The following EXOC4 variants were observed in gnomAD, a reference collection of about 807,000 sequenced individuals.
EXOC4 encodes SEC8-like 1.
A neutral mutation model predicts 107.2 loss-of-function variants in EXOC4; 71 were observed. The observed-to-expected ratio is 0.66, with a 90% confidence interval of 0.55 to 0.81. The LOEUF is 0.81. Ranked by LOEUF, EXOC4 falls within the 30% of genes least tolerant of loss-of-function variation. The pLI is 0.00. For missense variants in EXOC4, 1,108 were observed against 1,189.6 expected, an observed-to-expected ratio of 0.93 and a Z score of 1.01; for synonymous variants, 456 against 441.2, an observed-to-expected ratio of 1.03 and a Z score of -0.42.
At chr7:133,763,683 T>G (rs144460779) in intron 10 of EXOC4, among the ~76,000 whole-genome samples, 5 of 113,148 alleles carry the variant, frequency 4.4e-5, no homozygotes, top group African/African-American at 1.7e-4. Flanking sequence ...AAGAGTTATT[T>G]GAACACCTAG....
intron 10 of EXOC4, among the ~76,000 whole-genome samples, chr7:133,764,399 G>T (rs535389144): frequency 6.6e-6 from 1 of 152,072 alleles, no homozygotes; most frequent in South Asian, 2.1e-4. Flanking sequence ...GGACGAGAAG[G>T]CTTCATGAAT....
At chr7:134,042,834 C>T (rs1438834490) in intron 17 of EXOC4, among the ~76,000 whole-genome samples, 2 of 152,160 alleles carry the variant, frequency 1.3e-5, no homozygotes, top group African/African-American at 2.4e-5. Flanking sequence ...GTCAGGAGTT[C>T]GAGACCAGCC....
At chr7:133,906,560 C>T (rs1347661265) in intron 12 of EXOC4, among the ~76,000 whole-genome samples, 3 of 152,210 alleles carry the variant, frequency 2.0e-5, no homozygotes, top group Admixed American at 6.5e-5. Context: ...GCATTCGAGC[C>T]GGCAACGGCT....
At chr7:134,078,655 A>T in the EXOC4 span, among the ~76,000 whole-genome samples, 4 of 152,186 alleles carry the variant, frequency 2.6e-5, no homozygotes, top group African/African-American at 9.7e-5. Context: ...AGTGGATGTA[A>T]ATGTTAATGG....
At chr7:133,740,782 T>A (rs1795547350) in intron 10 of EXOC4, among the ~76,000 whole-genome samples, 1 of 152,206 alleles carries the variant, frequency 6.6e-6, no homozygotes, top group African/African-American at 2.4e-5. Flanking sequence ...TTTAATGTGA[T>A]CCTCTAGGAA....
intron 10 of EXOC4, among the ~76,000 whole-genome samples, chr7:133,753,826 C>G (rs553530756): frequency 6.6e-6 from 1 of 152,074 alleles, no homozygotes; most frequent in East Asian, 1.9e-4. Flanking sequence ...ACAGAGGACT[C>G]AGAACTTTAG....
chr7:133,303,623 A>G (rs1314534475), intron 3 of EXOC4, among the ~76,000 whole-genome samples: 1 of 152,222 alleles, frequency 6.6e-6, no homozygotes, highest in Admixed American at 6.5e-5. Context: ...AGTGAAGGCC[A>G]GAAAATAAAA....
intron 10 of EXOC4, among the ~76,000 whole-genome samples, chr7:133,642,281 C>G (rs1209147893): frequency 6.6e-6 from 1 of 152,162 alleles, no homozygotes; most frequent in African/African-American, 2.4e-5. Flanking sequence ...AAGAGAAAAT[C>G]TATGATAAAG....
chr7:133,980,190 T>C (rs1585297050), intron 14 of EXOC4, among the ~76,000 whole-genome samples: 1 of 152,348 alleles, frequency 6.6e-6, no homozygotes, highest in South Asian at 2.1e-4. Context: ...ACCCAGTGTG[T>C]ATGTTTAATG....
At chr7:133,701,974 T>TTTTTCTTTTTCC (rs1480664311) in intron 10 of EXOC4, among the ~76,000 whole-genome samples, 2 of 141,666 alleles carry the variant, frequency 1.4e-5, no homozygotes, top group Admixed American at 7.4e-5. Context: ...TTTCTTTTTC[T>TTTTTCTTTTTCC]TTTTCCTTTT....
chr7:133,690,412 G>A (rs993846211), intron 10 of EXOC4, among the ~76,000 whole-genome samples: 1 of 152,100 alleles, frequency 6.6e-6, no homozygotes, highest in Admixed American at 6.5e-5. Flanking sequence ...CCTACAGGCC[G>A]CATGCCACCA....
chr7:133,829,814 T>TA (rs1418593057), intron 11 of EXOC4, among the ~76,000 whole-genome samples: 1 of 152,212 alleles, frequency 6.6e-6, no homozygotes. Context: ...CTCTGTCAGT[T>TA]AAAGTCCTGC....
At chr7:133,404,611 CTTATG>C (rs1797170364) in intron 7 of EXOC4, among the ~76,000 whole-genome samples, 1 of 152,050 alleles carries the variant, frequency 6.6e-6, no homozygotes. Flanking sequence ...CAGTTTTCAT[CTTATG>C]TTGTCATTGC....
chr7:134,057,079 G>C (rs1425748398), intron 17 of EXOC4, among the ~76,000 whole-genome samples: 1 of 152,156 alleles, frequency 6.6e-6, no homozygotes, highest in African/African-American at 2.4e-5. Context: ...TGGTTATCAG[G>C]ACAAGGCCAA....
chr7:133,783,675 CTG>C (rs1291510336), intron 10 of EXOC4, among the ~76,000 whole-genome samples: 2 of 152,134 alleles, frequency 1.3e-5, no homozygotes, highest in Non-Finnish European at 2.9e-5. Context: ...GTTTTAAAAA[CTG>C]TAGATGATTT....
chr7:133,356,662 G>A, intron 6 of EXOC4, 89 bp downstream of exon 6: 2 of 1,461,962 alleles, frequency 1.4e-6, no homozygotes, highest in South Asian at 1.3e-5. Context: ...TTCTGTTGAT[G>A]TTGTTTTCTT....
chr7:133,861,545 G>A (rs1563032476), intron 11 of EXOC4, among the ~76,000 whole-genome samples: 1 of 151,938 alleles, frequency 6.6e-6, no homozygotes, highest in Non-Finnish European at 1.5e-5. Context: ...GTTTTGTTTT[G>A]TTTTTTTGTG....
intron 7 of EXOC4, among the ~76,000 whole-genome samples, chr7:133,414,831 T>G (rs1797438652): frequency 6.6e-6 from 1 of 152,152 alleles, no homozygotes; most frequent in Admixed American, 6.6e-5. Context: ...TTTAAACATG[T>G]TCACAGAGTT....
intron 9 of EXOC4, among the ~76,000 whole-genome samples, chr7:133,569,405 T>A (rs1010428518): frequency 6.6e-6 from 1 of 152,178 alleles, no homozygotes; most frequent in Middle Eastern, 3.2e-3. Context: ...GTTTTGAAAG[T>A]AAGATAAAAT....
Sources: gnomAD v4.1 joint callset for allele counts (sites outside exome capture counted in the v4.1 genomes callset) on GRCh38, gnomAD v4.1.1 for gene constraint, MANE v1.5 for transcripts, NCBI Gene and HGNC (gene_info 2026-07-23, HGNC 2026-07-21) for gene names.